The following FOXJ3 variants were observed in gnomAD, a reference collection of about 807,000 sequenced individuals.
FOXJ3 encodes the protein forkhead box protein J3.
In FOXJ3, 22 loss-of-function variants were observed where a neutral mutation model predicts 76.1. That is an observed-to-expected ratio of 0.29 (90% CI 0.21 to 0.41). FOXJ3 has a LOEUF of 0.41. Among genes scored for constraint, FOXJ3 ranks in the 10% least tolerant of loss-of-function variants. FOXJ3 has a pLI of 1.00. For missense variants in FOXJ3, 613 were observed against 762.1 expected, an observed-to-expected ratio of 0.80 and a Z score of 2.30; for synonymous variants, 269 against 261.2, an observed-to-expected ratio of 1.03 and a Z score of -0.29.
intron 2 of FOXJ3, among the ~76,000 whole-genome samples, chr1:42,283,160 T>C (rs1033814663): frequency 1.2e-4 from 18 of 152,126 alleles, no homozygotes; most frequent in African/African-American, 4.3e-4. Context: ...AATGAGAATA[T>C]GGGAGTAAGA....
At chr1:42,240,195 T>C (rs1024380875) in intron 4 of FOXJ3, among the ~76,000 whole-genome samples, 1 of 152,196 alleles carries the variant, frequency 6.6e-6, no homozygotes, top group Non-Finnish European at 1.5e-5. Context: ...GTTTTTTGTT[T>C]GTTTTTATAG....
chr1:42,324,429 T>C (rs1655708201), intron 1 of FOXJ3, among the ~76,000 whole-genome samples: 1 of 149,248 alleles, frequency 6.7e-6, no homozygotes, highest in African/African-American at 2.4e-5. Context: ...ATCACTGTTT[T>C]AGACAAAACT....
At chr1:42,194,818 T>A in intron 8 of FOXJ3, 72 bp downstream of exon 8, 1 of 924,984 alleles carries the variant, frequency 1.1e-6, no homozygotes, top group East Asian at 2.4e-5. Context: ...GTATAACAGC[T>A]GCCATGTGAA....
chr1:42,322,398 G>A (rs1655484228), intron 1 of FOXJ3, among the ~76,000 whole-genome samples: 1 of 151,908 alleles, frequency 6.6e-6, no homozygotes, highest in Admixed American at 6.6e-5. Context: ...TTTTCTTAAA[G>A]ATGCATACTG....
intron 7 of FOXJ3, 83 bp downstream of exon 7, chr1:42,199,019 T>C: frequency 8.8e-7 from 1 of 1,141,398 alleles, no homozygotes; most frequent in East Asian, 2.4e-5. Flanking sequence ...CCTTCATTTT[T>C]AAATTTGCAT....
Position 42,199,244 on chromosome 1 carries a change from A to G in FOXJ3, c.631-14T>C. 6.2e-7 allele frequency: 1 copy of G among 1,607,726 alleles called. No homozygotes were observed. The highest frequency in any genetic ancestry group is 1.7e-5 in the Admixed American group (1 of 59,762). On this transcript the variant is annotated splice_polypyrimidine_tract_variant and intron_variant, in intron 6 of 12. Transcript: ENST00000361346. ...ATACAATGTTACCTAAAATGAAAAAAGAAAAATGACAATTGAATATAAGGG... is the reference window on the plus strand; with the variant it reads ...ATACAATGTTACCTAAAATGAAAAAGGAAAAATGACAATTGAATATAAGGG...
intron 5 of FOXJ3, among the ~76,000 whole-genome samples, chr1:42,210,373 T>C (rs1646944479): frequency 6.6e-6 from 1 of 152,168 alleles, no homozygotes; most frequent in Non-Finnish European, 1.5e-5. Flanking sequence ...GCCCTGCCTA[T>C]GGCCTGAGAC....
intron 1 of FOXJ3, among the ~76,000 whole-genome samples, chr1:42,326,319 TTTTC>T (rs750706760): frequency 5.9e-5 from 9 of 152,308 alleles, no homozygotes; most frequent in Admixed American, 1.3e-4. Context: ...ACTGTATACG[TTTTC>T]TTTGAGTACA....
intron 2 of FOXJ3, among the ~76,000 whole-genome samples, chr1:42,281,111 T>C (rs1652676666): frequency 6.6e-6 from 1 of 152,230 alleles, no homozygotes; most frequent in South Asian, 2.1e-4. Context: ...TGAGACTTTA[T>C]AAGAATCTCA....
chr1:42,215,007 T>C (rs142838843), intron 5 of FOXJ3, among the ~76,000 whole-genome samples: 81 of 152,288 alleles, frequency 5.3e-4, no homozygotes, highest in African/African-American at 1.9e-3. Flanking sequence ...CCAGCTAAAG[T>C]ACAGATATCA....
intron 2 of FOXJ3, among the ~76,000 whole-genome samples, chr1:42,304,958 C>G (rs979443689): frequency 6.6e-6 from 1 of 152,070 alleles, no homozygotes; most frequent in Non-Finnish European, 1.5e-5. Flanking sequence ...AAGAGACAAG[C>G]CACAAAATGG....
chr1:42,290,536 C>T (rs567497959), intron 2 of FOXJ3, among the ~76,000 whole-genome samples: 82 of 152,310 alleles, frequency 5.4e-4, no homozygotes, highest in African/African-American at 1.8e-3. Context: ...GCAGCTTATA[C>T]TTACCCAGAC....
At chr1:42,312,228 G>A (rs949594633) in intron 1 of FOXJ3, among the ~76,000 whole-genome samples, 2 of 151,874 alleles carry the variant, frequency 1.3e-5, no homozygotes, top group Non-Finnish European at 2.9e-5. Context: ...ATTTTTTAAC[G>A]TTTTAAAAAA....
At chr1:42,183,262 A>C in intron 11 of FOXJ3, among the ~76,000 whole-genome samples, 1 of 131,648 alleles carries the variant, frequency 7.6e-6, no homozygotes, top group South Asian at 3.0e-4. Flanking sequence ...TCAAAAGAGA[A>C]GAGAGAGGAG....
upstream of FOXJ3, chr1:42,335,740 T>A (rs1002189579): frequency 1.3e-5 from 2 of 152,168 alleles, no homozygotes; most frequent in East Asian, 3.9e-4. Context: ...AGGACACCCC[T>A]CTTTTCAGAA....
At chr1:42,183,031 T>C (rs1410099724) in intron 11 of FOXJ3, among the ~76,000 whole-genome samples, 1 of 149,464 alleles carries the variant, frequency 6.7e-6, no homozygotes, top group South Asian at 2.2e-4. Flanking sequence ...TCCCAGCACT[T>C]TGGGAGGCAG....
chr1:42,227,445 C>CA (rs1647663608), intron 5 of FOXJ3, among the ~76,000 whole-genome samples: 1 of 152,152 alleles, frequency 6.6e-6, no homozygotes, highest in South Asian at 2.1e-4. Context: ...CACACGCACC[C>CA]AACTTAGAAA....
chr1:42,225,776 C>G (rs984395542), intron 5 of FOXJ3, among the ~76,000 whole-genome samples: 1 of 152,124 alleles, frequency 6.6e-6, no homozygotes, highest in Non-Finnish European at 1.5e-5. Flanking sequence ...AATGTACATT[C>G]AATAACACAT....
chr1:42,327,057 C>G (rs958038886), intron 1 of FOXJ3, among the ~76,000 whole-genome samples: 1 of 152,164 alleles, frequency 6.6e-6, no homozygotes, highest in Non-Finnish European at 1.5e-5. Context: ...TGTTATAAGT[C>G]TCCAAAATCC....
Sources: allele counts gnomAD v4.1 joint callset (sites outside exome capture counted in the v4.1 genomes callset), GRCh38; gene constraint gnomAD v4.1.1; transcripts MANE v1.5; gene names NCBI Gene and HGNC (gene_info 2026-07-23, HGNC 2026-07-21).